PPP2R2B: variants seen among roughly 807,000 people sequenced by gnomAD.
The protein encoded by PPP2R2B is protein phosphatase 2 regulatory subunit Bbeta, also known as serine/threonine-protein phosphatase 2A 55 kDa regulatory subunit B beta isoform.
A neutral mutation model predicts 46.0 loss-of-function variants in PPP2R2B; 5 were observed. The ratio of observed to expected loss-of-function variants is 0.11; its 90% CI spans 0.06 to 0.23. The LOEUF is 0.23. PPP2R2B is among the 10% of genes least tolerant of loss of function. The probability of loss-of-function intolerance (pLI) is 1.00; values close to 1 mark genes in which losing one functional copy is unlikely to be tolerated. For synonymous variants in PPP2R2B, 215 were observed against 206.7 expected (o/e 1.04, Z -0.34); for missense variants, 367 against 575.0 (o/e 0.64, Z 3.70).
At chr5:146,831,076 TGTACA>T in intron 2 of PPP2R2B, among the ~76,000 whole-genome samples, 1 of 152,312 alleles carries the variant, frequency 6.6e-6, no homozygotes, top group Middle Eastern at 3.4e-3. Context: ...CATACCGTTA[TGTACA>T]GTATGTGATA....
intron 2 of PPP2R2B, among the ~76,000 whole-genome samples, chr5:146,764,218 G>T (rs1196857540): frequency 6.6e-6 from 1 of 152,096 alleles, no homozygotes; most frequent in Non-Finnish European, 1.5e-5. Context: ...AGGGACCTGA[G>T]TCTGGAGGGG....
chr5:146,986,925 GAT>G (rs1483634035), intron 1 of PPP2R2B, among the ~76,000 whole-genome samples: 1 of 152,028 alleles, frequency 6.6e-6, no homozygotes, highest in African/African-American at 2.4e-5. Context: ...CCACCAAGTA[GAT>G]ACAACTCAAA....
chr5:146,718,178 T>C (rs2151190175), intron 2 of PPP2R2B, among the ~76,000 whole-genome samples: 1 of 152,176 alleles, frequency 6.6e-6, no homozygotes, highest in East Asian at 1.9e-4. Flanking sequence ...ATAGTAGACA[T>C]GCAAGCATTG....
chr5:146,790,169 T>C (rs1756104536), intron 2 of PPP2R2B, among the ~76,000 whole-genome samples: 1 of 152,152 alleles, frequency 6.6e-6, no homozygotes. Flanking sequence ...CAGATGCAAA[T>C]GAAAAGGGCA....
chr5:146,982,049 C>A (rs1753201887), intron 1 of PPP2R2B, among the ~76,000 whole-genome samples: 1 of 152,132 alleles, frequency 6.6e-6, no homozygotes. Context: ...CCCAAAGTAA[C>A]CATATAAAAT....
At chr5:146,803,802 C>G (rs1008793669) in intron 2 of PPP2R2B, among the ~76,000 whole-genome samples, 1 of 152,140 alleles carries the variant, frequency 6.6e-6, no homozygotes, top group African/African-American at 2.4e-5. Flanking sequence ...CTTGGTTTTT[C>G]TATCTGCAAA....
At chr5:146,805,918 T>C (rs1417176378) in intron 2 of PPP2R2B, among the ~76,000 whole-genome samples, 2 of 152,170 alleles carry the variant, frequency 1.3e-5, no homozygotes, top group Non-Finnish European at 2.9e-5. Context: ...ATTTATTTCC[T>C]AGAATCCAAA....
intron 6 of PPP2R2B, among the ~76,000 whole-genome samples, 189 bp downstream of exon 6, chr5:146,650,358 T>C (rs1236483504): frequency 6.6e-6 from 1 of 152,198 alleles, no homozygotes; most frequent in Non-Finnish European, 1.5e-5. Flanking sequence ...CTCCCACTTG[T>C]AATAACAATA....
chr5:146,940,669 A>G (rs547406231), intron 1 of PPP2R2B, among the ~76,000 whole-genome samples: 34 of 152,228 alleles, frequency 2.2e-4, no homozygotes, highest in African/African-American at 7.0e-4. Flanking sequence ...AACTTGATAG[A>G]ATTGGGTTTC....
At chr5:146,995,389 C>A (rs1753880820) in intron 1 of PPP2R2B, among the ~76,000 whole-genome samples, 1 of 152,126 alleles carries the variant, frequency 6.6e-6, no homozygotes. Flanking sequence ...TGTGTTGAGG[C>A]TGGGGCCACA....
intron 1 of PPP2R2B, among the ~76,000 whole-genome samples, chr5:146,999,189 C>T (rs1360911111): frequency 1.3e-5 from 2 of 151,902 alleles, no homozygotes; most frequent in Non-Finnish European, 2.9e-5. Flanking sequence ...CAGTGATAAG[C>T]AAAAGAAGAT....
At chr5:146,838,803 T>G (rs1458309183) in intron 2 of PPP2R2B, among the ~76,000 whole-genome samples, 1 of 152,214 alleles carries the variant, frequency 6.6e-6, no homozygotes, top group African/African-American at 2.4e-5. Flanking sequence ...CTCTTCTGTT[T>G]CTTCTGACAA....
rs143212984 is a variant in PPP2R2B at position 146,976,108 on chromosome 5, T to TTTATTA, written c.79+79551_79+79556dup. Among the ~76,000 whole-genome samples, 1,136 of 130,638 alleles carry TTTATTA rather than the reference T, an allele frequency of 8.7e-3. 12 individuals are homozygous for TTTATTA. Among genetic ancestry groups the TTTATTA allele is most frequent in the African/African-American group, 0.018 (672 of 36,432 alleles). The allele number at this position is 130,638 out of a possible 152,430, so 85.7% of individuals were successfully genotyped here. Reference sequence around the variant, plus strand: ...CCTAAAAGTTTCATTTTTTAAAAAATTTATTATTATTATTATTATTATTAT... The same window carrying TTTATTA: ...CCTAAAAGTTTCATTTTTTAAAAAATTTATTATTATTATTATTATTATTATTATTAT... On this transcript the variant is annotated intron_variant, in intron 1 of 8. Coordinates refer to the PPP2R2B transcript ENST00000336640.
chr5:146,736,369 C>T (rs1212762305), intron 2 of PPP2R2B, among the ~76,000 whole-genome samples: 1 of 152,152 alleles, frequency 6.6e-6, no homozygotes. Flanking sequence ...TGCCCTGCCA[C>T]ATATTTTACA....
In PPP2R2B at chr5:146,594,955, T is replaced by G. The variant is rs555982838; in HGVS notation, c.961-1893A>C. Among the ~76,000 whole-genome samples, 171 of 152,360 alleles carry G rather than the reference T, an allele frequency of 1.1e-3. No homozygotes were observed. The Middle Eastern group carries it at 0.027, about 24-fold the overall frequency. On this transcript the variant is annotated intron_variant, in intron 8 of 9. Transcript: ENST00000394411. ...CTTCGACTCCAACAGTTCTGCTGGA[T>G]GCAGAGCTTCAGGCTCTTAGTCTTG...
chr5:146,691,400 T>C (rs1023613652), intron 4 of PPP2R2B, among the ~76,000 whole-genome samples, 160 bp from the exon 5 acceptor site: 2 of 152,218 alleles, frequency 1.3e-5, no homozygotes, highest in Non-Finnish European at 2.9e-5. Flanking sequence ...CCATGTCATT[T>C]GAAGGCAGAG....
At chr5:146,782,669 C>T (rs1406107526) in intron 2 of PPP2R2B, among the ~76,000 whole-genome samples, 13 of 151,952 alleles carry the variant, frequency 8.6e-5, no homozygotes, top group Admixed American at 8.5e-4. Flanking sequence ...TTTTCCTTGC[C>T]CATTTTTTTT....
chr5:146,992,437 C>A (rs1397422411), intron 1 of PPP2R2B, among the ~76,000 whole-genome samples: 1 of 152,170 alleles, frequency 6.6e-6, no homozygotes, highest in Non-Finnish European at 1.5e-5. Flanking sequence ...TCATTCATAC[C>A]TCTTTGTATG....
rs376206427 is a variant in PPP2R2B, at chr5:146,840,324, C to CT, written c.70+37677dup. On this transcript the variant is annotated intron_variant, in intron 2 of 9. Coordinates refer to ENST00000394411, the MANE Select transcript of PPP2R2B (RefSeq NM_181675.4). The stretch of plus-strand genomic sequence containing the variant: ...AAGTAAGTTAATTACCCCTTGGAAT[C>CT]TTTTTTTTTACATCGAAAAGAAAAT... Among the ~76,000 whole-genome samples, 147 of 151,568 alleles carry CT rather than the reference C, an allele frequency of 9.7e-4. 1 individual carries two copies. In the East Asian group the frequency reaches 0.013, roughly 14 times the overall value.
Sources: allele counts gnomAD v4.1 joint callset (sites outside exome capture counted in the v4.1 genomes callset), GRCh38; gene constraint gnomAD v4.1.1; transcripts MANE v1.5; gene names NCBI Gene and HGNC (gene_info 2026-07-23, HGNC 2026-07-21).